KCNT1: variants seen among roughly 807,000 people sequenced by gnomAD.
The protein encoded by KCNT1 is potassium sodium-activated channel subfamily T member 1.
Under a neutral mutation model 147.8 loss-of-function variants are expected in KCNT1, and 78 were observed. The observed-to-expected ratio is 0.53, with a 90% CI of 0.44 to 0.64. The LOEUF (loss-of-function observed/expected upper bound fraction) is 0.64. Among genes scored for constraint, KCNT1 ranks in the 30% least tolerant of loss-of-function variants. The pLI, the probability that KCNT1 is intolerant of heterozygous loss-of-function variation, is 0.00. For synonymous variants in KCNT1, 867 were observed against 748.8 expected (o/e 1.16, Z -2.58); for missense variants, 1,419 against 1,750.3 (o/e 0.81, Z 3.38).
intron 2 of KCNT1, among the ~76,000 whole-genome samples, chr9:135,735,799 A>G (rs1391903434): frequency 6.6e-6 from 1 of 152,096 alleles, no homozygotes; most frequent in Non-Finnish European, 1.5e-5. Context: ...ACTGCTGAGG[A>G]CAGGGGCGCA....
At chr9:135,750,364 G>C (rs903623337) in intron 3 of KCNT1, among the ~76,000 whole-genome samples, 187 bp downstream of exon 3, 4 of 152,102 alleles carry the variant, frequency 2.6e-5, no homozygotes, top group Non-Finnish European at 5.9e-5. Context: ...TGGGGCACAG[G>C]GTAGCCCCCT....
At chr9:135,757,416 G>A (rs573657637) in intron 9 of KCNT1, 35 bp downstream of exon 9, 9 of 1,579,516 alleles carry the variant, frequency 5.7e-6, no homozygotes, top group Middle Eastern at 3.3e-4. Context: ...TGGGACTTGG[G>A]GGGGCCACCC....
At position 135,759,837 on chromosome 9, in the gene KCNT1, C is replaced by T. The variant is rs756116060; in HGVS notation, c.1013C>T (p.Ala338Val). 3 of 1,608,436 alleles carry T rather than the reference C, an allele frequency of 1.9e-6. No homozygotes were observed. The South Asian group carries it at 3.3e-5, about 18-fold the overall frequency. The change falls in exon 11 of 31, where the codon GCC becomes GTC. Residue 338 changes from alanine to valine, a missense_variant. By Grantham distance (64) the Ala-to-Val change is moderately conservative. This residue lies in a region of KCNT1 where 401 missense variants were observed against 610.6 expected (regional missense o/e 0.66). Transcript: ENST00000371757. ...QLLVVIMICV[A>V]LVVLPLQFEE... The stretch of plus-strand genomic sequence containing the variant: ...CTGGTGGTCATCATGATCTGCGTGG[C>T]CCTCGTGGTGCTCCCACTGCAGGTG...
chr9:135,716,123 C>T (rs1363091051), intron 2 of KCNT1, among the ~76,000 whole-genome samples: 1 of 152,196 alleles, frequency 6.6e-6, no homozygotes, highest in Non-Finnish European at 1.5e-5. Context: ...AGGCCGAATC[C>T]GTGGACTCAA....
chr9:135,759,486 G>A (rs529769202), intron 10 of KCNT1, among the ~76,000 whole-genome samples, 193 bp from the exon 11 acceptor site: 13 of 152,346 alleles, frequency 8.5e-5, no homozygotes, highest in East Asian at 5.8e-4. Flanking sequence ...AGGTGGCTCC[G>A]GCAGAGCTTG....
intron 11 of KCNT1, among the ~76,000 whole-genome samples, chr9:135,760,243 C>T (rs886397183): frequency 6.6e-6 from 1 of 152,180 alleles, no homozygotes; most frequent in African/African-American, 2.4e-5. Flanking sequence ...GGGGGCACAC[C>T]CCCCCGGCCA....
At chr9:135,703,843 C>A (rs935631194) in intron 1 of KCNT1, among the ~76,000 whole-genome samples, 5 of 152,224 alleles carry the variant, frequency 3.3e-5, no homozygotes, top group Admixed American at 3.3e-4. Flanking sequence ...CTTCCAGACA[C>A]CTGTCTCTCC....
chr9:135,763,618 A>G (rs1053598078), intron 11 of KCNT1, among the ~76,000 whole-genome samples: 4 of 152,094 alleles, frequency 2.6e-5, no homozygotes, highest in African/African-American at 4.8e-5. Context: ...GGCTGCTTCT[A>G]CGGTGGCTGT....
In KCNT1 at chr9:135,714,723, A is replaced by G. The variant is rs767127887; in HGVS notation, c.254+3A>G. 3.6e-6 allele frequency: 5 copies of G among 1,393,300 alleles called. No homozygotes were observed. The South Asian group carries it at 6.9e-5, about 19-fold the overall frequency. 86.3% of individuals were successfully genotyped at this position (1,393,300 alleles called of 1,614,324 possible). On this transcript the variant is annotated splice_donor_region_variant and intron_variant, in intron 2 of 30. Transcript: ENST00000371757. The surrounding 1 kb of genome is among the most constrained non-coding windows in gnomAD (Gnocchi z 6.2). ...CCGTCCTTCCAGAACGACGACAGGTAGGGACCGGGCGCGGGGTGGGGGCTG... is the reference window on the plus strand; with the variant it reads ...CCGTCCTTCCAGAACGACGACAGGTGGGGACCGGGCGCGGGGTGGGGGCTG...
chr9:135,720,682 C>G (rs1372690223), intron 2 of KCNT1, among the ~76,000 whole-genome samples: 1 of 152,224 alleles, frequency 6.6e-6, no homozygotes, highest in Non-Finnish European at 1.5e-5. Flanking sequence ...CACCTGCTCT[C>G]TGAAGGCCAC....
chr9:135,765,343 C>T, intron 12 of KCNT1, 148 bp downstream of exon 12: 4 of 725,652 alleles, frequency 5.5e-6, no homozygotes, highest in Admixed American at 2.7e-5. Flanking sequence ...TCCCGGCGCC[C>T]AGAGACGCCA....
chr9:135,719,722 G>T (rs1230918743), intron 2 of KCNT1, among the ~76,000 whole-genome samples: 1 of 152,196 alleles, frequency 6.6e-6, no homozygotes, highest in Non-Finnish European at 1.5e-5. Flanking sequence ...TCGTCCCTGA[G>T]CATGGCCAGG....
At chr9:135,783,083 G>A (rs539321328) in intron 24 of KCNT1, among the ~76,000 whole-genome samples, 5 of 152,348 alleles carry the variant, frequency 3.3e-5, no homozygotes, top group Non-Finnish European at 2.9e-5. Flanking sequence ...CTTGGAGGCC[G>A]AGCTCCAGGG....
chr9:135,774,034 G>A (rs898897848), intron 19 of KCNT1, among the ~76,000 whole-genome samples: 4 of 151,562 alleles, frequency 2.6e-5, no homozygotes, highest in African/African-American at 7.3e-5. Flanking sequence ...GGGTGTGTCC[G>A]GTGTGTGTGT....
chr9:135,709,754 CA>C (rs1244145298), intron 1 of KCNT1, among the ~76,000 whole-genome samples: 2 of 152,222 alleles, frequency 1.3e-5, no homozygotes, highest in African/African-American at 4.8e-5. Context: ...GATCTCAGCT[CA>C]CTGCAACCTC....
At chr9:135,715,705 A>T (rs498974) in intron 2 of KCNT1, among the ~76,000 whole-genome samples, 58,690 of 152,058 alleles carry the variant, frequency 0.39, 12,740 homozygotes, top group African/African-American at 0.58. Context: ...ACCGCAGCTG[A>T]AAAAGAAATC....
Position 135,768,915 on chromosome 9 carries a change from C to T in KCNT1, c.1488C>T (p.Asn496=), listed in dbSNP as rs753597542. The T allele has an allele frequency of 2.5e-6, 4 of 1,613,450 alleles. No homozygotes were observed. Among genetic ancestry groups the T allele is most frequent in the Admixed American group, 1.7e-5 (1 of 59,994 alleles). ...PLYVQILKPE[N]KFHVKFADHV... is the part of the protein sequence containing the mutation. Reference sequence around the variant, plus strand: ...ACGTCCAGATCCTCAAACCTGAAAACAAGTTTCACGTCAAGTTTGCTGGTG... The same window carrying T: ...ACGTCCAGATCCTCAAACCTGAAAATAAGTTTCACGTCAAGTTTGCTGGTG... The change falls in exon 15 of 31, where the codon AAC becomes AAT. Residue 496 remains asparagine (N), a synonymous_variant. Coordinates refer to ENST00000371757, the MANE Select transcript of KCNT1 (RefSeq NM_020822.3).
At chr9:135,767,904 A>C (rs895323418) in intron 13 of KCNT1, among the ~76,000 whole-genome samples, 2 of 152,000 alleles carry the variant, frequency 1.3e-5, no homozygotes, top group African/African-American at 4.8e-5. Flanking sequence ...GGCCGTGGCC[A>C]GGAGAAGCTG....
rs759370366 is a variant in KCNT1, at chr9:135,753,929, C to T, written c.435-8C>T. 2 of 1,614,006 alleles carry T rather than the reference C, an allele frequency of 1.2e-6. No individual in the cohort carries two copies. The highest frequency in any genetic ancestry group is 1.7e-6 in the Non-Finnish European group (2 of 1,179,908). On this transcript the variant is annotated splice_region_variant and splice_polypyrimidine_tract_variant and intron_variant, in intron 4 of 30. Coordinates refer to ENST00000371757, the MANE Select transcript of KCNT1 (RefSeq NM_020822.3). ...CCAGGGCCGGGCCAGCGCTGTGTCT[C>T]TCCACAGCTGGGGCTGCCCAAAGCA...
Sources: gnomAD v4.1 joint callset for allele counts (sites outside exome capture counted in the v4.1 genomes callset) on GRCh38, gnomAD v4.1.1 for gene constraint, gnomAD v4.1.1 regional missense constraint, Gnocchi (gnomAD v3.1) non-coding constraint, MANE v1.5 for transcripts, NCBI Gene and HGNC (gene_info 2026-07-23, HGNC 2026-07-21) for gene names.